The following CELF4 variants were observed in gnomAD, a reference collection of about 807,000 sequenced individuals.
CELF4 encodes the protein CUG-BP- and ETR-3-like factor 4.
In CELF4, 18 loss-of-function variants were observed where a neutral mutation model predicts 59.9. That is an observed-to-expected ratio of 0.30 (90% CI 0.21 to 0.45). CELF4 has a LOEUF of 0.45. Ranked by LOEUF, CELF4 falls within the 20% of genes least tolerant of loss-of-function variation. The probability of loss-of-function intolerance (pLI) is 1.00; values close to 1 mark genes in which losing one functional copy is unlikely to be tolerated. For missense variants in CELF4, 456 were observed against 689.0 expected, an observed-to-expected ratio of 0.66 and a Z score of 3.79; for synonymous variants, 261 against 267.1, an observed-to-expected ratio of 0.98 and a Z score of 0.22.
chr18:37,342,363 G>T (rs747260416), intron 2 of CELF4, among the ~76,000 whole-genome samples: 1 of 152,140 alleles, frequency 6.6e-6, no homozygotes, highest in Non-Finnish European at 1.5e-5. Context: ...CTCTGAGCAG[G>T]TTAGGCCTGG....
chr18:37,491,034 G>A (rs553658407), intron 1 of CELF4, among the ~76,000 whole-genome samples: 28 of 152,196 alleles, frequency 1.8e-4, no homozygotes, highest in Non-Finnish European at 3.8e-4. Context: ...TGGGGTGGGG[G>A]CAGAGAGGTG....
At chr18:37,537,126 C>T (rs937777440) in intron 1 of CELF4, among the ~76,000 whole-genome samples, 18 of 152,218 alleles carry the variant, frequency 1.2e-4, no homozygotes, top group Non-Finnish European at 2.2e-4. Context: ...TGGCATTTGC[C>T]TCCTCCTCTT....
chr18:37,426,526 A>G (rs536773173), intron 2 of CELF4, among the ~76,000 whole-genome samples: 160 of 152,358 alleles, frequency 1.1e-3, no homozygotes, highest in African/African-American at 3.8e-3. Context: ...GGAAGCCACA[A>G]ATGGCCCACA....
intron 2 of CELF4, among the ~76,000 whole-genome samples, chr18:37,373,955 T>C (rs2098934985): frequency 6.6e-6 from 1 of 152,182 alleles, no homozygotes; most frequent in Non-Finnish European, 1.5e-5. Context: ...AATCGAATAA[T>C]GATATTGGGG....
intron 10 of CELF4, among the ~76,000 whole-genome samples, chr18:37,262,469 A>C (rs372338026): frequency 2.6e-5 from 4 of 152,232 alleles, no homozygotes; most frequent in African/African-American, 9.6e-5. Flanking sequence ...GTTCAGAGCT[A>C]CACATATGGG....
intron 2 of CELF4, among the ~76,000 whole-genome samples, chr18:37,434,261 G>A (rs1296928537): frequency 6.6e-6 from 1 of 152,228 alleles, no homozygotes; most frequent in Non-Finnish European, 1.5e-5. Flanking sequence ...GACAATGAGG[G>A]TTTGGGTTAC....
chr18:37,522,305 CT>C (rs2099958405), intron 1 of CELF4, among the ~76,000 whole-genome samples: 1 of 152,182 alleles, frequency 6.6e-6, no homozygotes, highest in Admixed American at 6.5e-5. Flanking sequence ...ATGGTGAATT[CT>C]TCTCTGCCTC....
Position 37,565,531 on chromosome 18 carries a change from G to A in CELF4, c.111C>T (p.Ser37=). ...TGGTCGACGGGTTCCCCGGGCTGTG[G>A]CTTAATCCGTTCATGTGCCCGGCAC... ...PGSAGHMNGL[S]HSPGNPSTIP... is the part of the protein sequence containing the mutation. The change falls in exon 1 of 13, where the codon AGC becomes AGT. Residue 37 remains serine, a synonymous_variant. Coordinates refer to ENST00000420428, the MANE Select transcript of CELF4 (RefSeq NM_020180.4). 2.5e-6 allele frequency: 4 copies of A among 1,614,198 alleles called. No homozygotes were observed. The South Asian group carries it at 4.4e-5, about 18-fold the overall frequency.
intron 1 of CELF4, among the ~76,000 whole-genome samples, chr18:37,500,310 T>C (rs1014415943): frequency 2.6e-5 from 4 of 152,092 alleles, no homozygotes; most frequent in African/African-American, 7.2e-5. Context: ...ATTCTCTGTC[T>C]TCACTTCACC....
chr18:37,499,794 A>G (rs2154603840), intron 1 of CELF4, among the ~76,000 whole-genome samples: 1 of 152,226 alleles, frequency 6.6e-6, no homozygotes. Context: ...AGTGGGTTTG[A>G]TGATCCCTAC....
At position 37,349,956 on chromosome 18, in the gene CELF4, C is replaced by G. The variant is rs773442133; in HGVS notation, c.370-28075G>C. Among the ~76,000 whole-genome samples, 3 of 152,224 alleles carry G rather than the reference C, an allele frequency of 2.0e-5. No individual in the cohort carries two copies. The East Asian group carries it at 5.8e-4, about 29-fold the overall frequency. ...AGGGGAGAGGCAAGCGGTGGCCCCTCGATCACATGCGACGTGACTGGGTTT... is the reference window on the plus strand; with the variant it reads ...AGGGGAGAGGCAAGCGGTGGCCCCTGGATCACATGCGACGTGACTGGGTTT... On this transcript the variant is annotated intron_variant, in intron 2 of 12. Coordinates refer to ENST00000420428, the MANE Select transcript of CELF4 (RefSeq NM_020180.4).
At chr18:37,485,264 C>T (rs1210392325) in intron 2 of CELF4, among the ~76,000 whole-genome samples, 1 of 151,844 alleles carries the variant, frequency 6.6e-6, no homozygotes, top group Admixed American at 6.6e-5. Context: ...GCTCCGGGGA[C>T]CCGGGACGCG....
chr18:37,352,526 G>C (rs940137027), intron 2 of CELF4, among the ~76,000 whole-genome samples: 1 of 151,824 alleles, frequency 6.6e-6, no homozygotes, highest in African/African-American at 2.4e-5. Context: ...CCAGGAGTTC[G>C]AGACTGCAGT....
intron 9 of CELF4, among the ~76,000 whole-genome samples, chr18:37,264,967 C>T (rs908920978): frequency 7.3e-5 from 11 of 151,388 alleles, no homozygotes; most frequent in African/African-American, 9.7e-5. Flanking sequence ...GGTGTGTGTA[C>T]GTGTGTGTGT....
At chr18:37,455,897 TC>T in intron 2 of CELF4, among the ~76,000 whole-genome samples, 1 of 152,252 alleles carries the variant, frequency 6.6e-6, no homozygotes, top group Non-Finnish European at 1.5e-5. Flanking sequence ...GCAACCTCCT[TC>T]CTTTGGAGCC....
intron 3 of CELF4, among the ~76,000 whole-genome samples, chr18:37,294,480 C>A (rs1488476208): frequency 1.3e-5 from 2 of 152,210 alleles, no homozygotes; most frequent in Non-Finnish European, 2.9e-5. Flanking sequence ...CACCCACTTA[C>A]CAACACAGAC....
intron 1 of CELF4, among the ~76,000 whole-genome samples, chr18:37,504,800 G>A (rs997740619): frequency 2.0e-5 from 3 of 152,206 alleles, no homozygotes; most frequent in South Asian, 2.1e-4. Context: ...GGAGATCCTC[G>A]AGAGGTGAGG....
At chr18:37,348,574 G>A (rs556872448) in intron 2 of CELF4, among the ~76,000 whole-genome samples, 1 of 152,228 alleles carries the variant, frequency 6.6e-6, no homozygotes, top group South Asian at 2.1e-4. Context: ...CAAGGGACAG[G>A]ACCATGGCCT....
intron 2 of CELF4, among the ~76,000 whole-genome samples, chr18:37,372,835 G>GA (rs994572174): frequency 4.4e-4 from 63 of 144,286 alleles, no homozygotes; most frequent in South Asian, 6.6e-4. Flanking sequence ...TTATTAACCT[G>GA]AAAAAAAAAA....
Sources: allele counts gnomAD v4.1 joint callset (sites outside exome capture counted in the v4.1 genomes callset), GRCh38; gene constraint gnomAD v4.1.1; transcripts MANE v1.5; gene names NCBI Gene and HGNC (gene_info 2026-07-23, HGNC 2026-07-21).